The following RPS6KC1 variants were observed in gnomAD, a reference collection of about 807,000 sequenced individuals.
RPS6KC1 encodes ribosomal protein S6 kinase C1.
Under a neutral mutation model 103.8 loss-of-function variants are expected in RPS6KC1, and 54 were observed. The observed-to-expected ratio is 0.52, with a 90% confidence interval of 0.42 to 0.65. RPS6KC1 has a LOEUF of 0.65. Among genes scored for constraint, RPS6KC1 ranks in the 30% least tolerant of loss-of-function variants. The pLI is 0.00. For synonymous variants in RPS6KC1, 439 were observed against 438.7 expected (o/e 1.00, Z -0.01); for missense variants, 1,151 against 1,253.8 (o/e 0.92, Z 1.24).
chr1:213,417,073 C>A, the RPS6KC1 span, among the ~76,000 whole-genome samples: 6 of 152,194 alleles, frequency 3.9e-5, no homozygotes, highest in Non-Finnish European at 8.8e-5. Context: ...GCACTTCCCA[C>A]CACCCCAGGG....
chr1:213,474,959 C>T, the RPS6KC1 span, among the ~76,000 whole-genome samples: 1 of 152,192 alleles, frequency 6.6e-6, no homozygotes, highest in Non-Finnish European at 1.5e-5. Flanking sequence ...TCCCGACCCC[C>T]AGCTCTGAGA....
At chr1:213,776,214 C>T in the RPS6KC1 span, among the ~76,000 whole-genome samples, 4 of 152,178 alleles carry the variant, frequency 2.6e-5, no homozygotes, top group Non-Finnish European at 5.9e-5. Context: ...TTAATGGCAT[C>T]TAAAATGGTG....
At chr1:213,735,549 C>T in the RPS6KC1 span, among the ~76,000 whole-genome samples, 1 of 152,204 alleles carries the variant, frequency 6.6e-6, no homozygotes, top group Non-Finnish European at 1.5e-5. Context: ...CTGTCAATTA[C>T]CCTATTTTAT....
the RPS6KC1 span, among the ~76,000 whole-genome samples, chr1:213,756,810 A>G: frequency 4.6e-5 from 7 of 151,914 alleles, no homozygotes; most frequent in Non-Finnish European, 7.4e-5. Flanking sequence ...TGGTTTCACT[A>G]TGTTGCCCAG....
chr1:213,646,902 T>C, the RPS6KC1 span, among the ~76,000 whole-genome samples: 1 of 151,766 alleles, frequency 6.6e-6, no homozygotes, highest in Non-Finnish European at 1.5e-5. Flanking sequence ...TATATATTTT[T>C]GTTTGTTTGT....
At chr1:213,677,036 C>T in the RPS6KC1 span, among the ~76,000 whole-genome samples, 80 of 152,284 alleles carry the variant, frequency 5.3e-4, 1 homozygote, top group Middle Eastern at 3.4e-3. Context: ...ATTGGCATGC[C>T]CAGGATCCTT....
At chr1:213,604,286 T>C in the RPS6KC1 span, among the ~76,000 whole-genome samples, 1 of 152,252 alleles carries the variant, frequency 6.6e-6, no homozygotes, top group African/African-American at 2.4e-5. Flanking sequence ...TTAGTGCACG[T>C]GATTCAAGAA....
intron 5 of RPS6KC1, among the ~76,000 whole-genome samples, chr1:213,124,468 C>A (rs748403439): frequency 1.3e-4 from 20 of 152,228 alleles, no homozygotes; most frequent in Non-Finnish European, 2.5e-4. Context: ...TGTTAACTTT[C>A]TTTCTGGGCT....
the RPS6KC1 span, among the ~76,000 whole-genome samples, chr1:213,418,709 CAG>C: frequency 6.6e-6 from 1 of 152,214 alleles, no homozygotes; most frequent in Non-Finnish European, 1.5e-5. Context: ...CCCTTGTCAA[CAG>C]GGGTGGAGTT....
chr1:213,748,241 G>C, the RPS6KC1 span, among the ~76,000 whole-genome samples: 6 of 152,152 alleles, frequency 3.9e-5, no homozygotes, highest in Non-Finnish European at 1.5e-5. Context: ...CTTTACCTGA[G>C]AGGGGACTTC....
the RPS6KC1 span, among the ~76,000 whole-genome samples, chr1:213,699,208 C>T: frequency 6.6e-6 from 1 of 152,028 alleles, no homozygotes; most frequent in Non-Finnish European, 1.5e-5. Flanking sequence ...TCACACCTCA[C>T]CCCACTCCCA....
chr1:213,646,326 T>TG, the RPS6KC1 span, among the ~76,000 whole-genome samples: 1 of 152,272 alleles, frequency 6.6e-6, no homozygotes, highest in Admixed American at 6.5e-5. Context: ...AGTTGGACTT[T>TG]GGAAGAAGAG....
chr1:213,389,400 G>A, the RPS6KC1 span, among the ~76,000 whole-genome samples: 7 of 152,222 alleles, frequency 4.6e-5, no homozygotes, highest in African/African-American at 9.6e-5. Flanking sequence ...GAGGCAGCGC[G>A]GGCAGGCCAG....
chr1:213,661,973 A>G, the RPS6KC1 span, among the ~76,000 whole-genome samples: 1 of 152,182 alleles, frequency 6.6e-6, no homozygotes, highest in Admixed American at 6.5e-5. Context: ...GATAGATTCT[A>G]CTGAATTCCT....
chr1:213,531,009 T>G, the RPS6KC1 span, among the ~76,000 whole-genome samples: 1 of 152,250 alleles, frequency 6.6e-6, no homozygotes, highest in Non-Finnish European at 1.5e-5. Context: ...TTGCTAATTG[T>G]TATTTTTTTG....
At chr1:213,822,299 A>T in the RPS6KC1 span, 5 of 152,204 alleles carry the variant, frequency 3.3e-5, no homozygotes, top group African/African-American at 9.6e-5. Context: ...CTAATCTCTA[A>T]CAGTTTGAGT....
At chr1:213,354,409 C>A in the RPS6KC1 span, among the ~76,000 whole-genome samples, 2 of 152,168 alleles carry the variant, frequency 1.3e-5, no homozygotes, top group Admixed American at 6.5e-5. Context: ...GCTCACCTGC[C>A]CTGACCTGGG....
intron 8 of RPS6KC1, among the ~76,000 whole-genome samples, chr1:213,210,234 A>G (rs1279975479): frequency 1.3e-5 from 2 of 152,290 alleles, no homozygotes; most frequent in East Asian, 1.9e-4. Flanking sequence ...ACCTCTGACA[A>G]TAATATTTAT....
At chr1:213,617,219 T>C in the RPS6KC1 span, among the ~76,000 whole-genome samples, 2 of 152,180 alleles carry the variant, frequency 1.3e-5, no homozygotes, top group Non-Finnish European at 2.9e-5. Context: ...CTACTTGGCA[T>C]AATTTCCCTT....
Sources: allele counts gnomAD v4.1 joint callset (sites outside exome capture counted in the v4.1 genomes callset), GRCh38; gene constraint gnomAD v4.1.1; transcripts MANE v1.5; gene names NCBI Gene and HGNC (gene_info 2026-07-23, HGNC 2026-07-21).